Variants in RARS1 observed in about 807,000 individuals in gnomAD.
RARS1 encodes arginyl-tRNA synthetase 1, also known as arginine--tRNA ligase, cytoplasmic.
A neutral mutation model predicts 78.7 loss-of-function variants in RARS1; 75 were observed. The observed-to-expected ratio is 0.95, with a 90% CI of 0.79 to 1.15. The LOEUF is 1.15. Ranked by LOEUF, RARS1 falls within the 50% of genes most tolerant of loss-of-function variation. The pLI, the probability that RARS1 is intolerant of heterozygous loss-of-function variation, is 0.00. For synonymous variants in RARS1, 273 were observed against 268.2 expected (o/e 1.02, Z -0.18); for missense variants, 787 against 787.5 (o/e 1.00, Z 0.01).
At chr5:168,491,038 G>A (rs540543820) in intron 2 of RARS1, among the ~76,000 whole-genome samples, 2 of 152,328 alleles carry the variant, frequency 1.3e-5, no homozygotes, top group African/African-American at 4.8e-5. Context: ...TTGGGAGGCT[G>A]AGGCATGAGA....
intron 9 of RARS1, among the ~76,000 whole-genome samples, chr5:168,505,479 A>AT (rs1561824569): frequency 1.3e-5 from 2 of 152,194 alleles, no homozygotes. Context: ...AGAGATCACT[A>AT]TAAGAATTGC....
chr5:168,501,654 C>T (rs558010866), intron 8 of RARS1, among the ~76,000 whole-genome samples: 5 of 152,104 alleles, frequency 3.3e-5, no homozygotes, highest in South Asian at 4.1e-4. Context: ...ACCCGGGAGG[C>T]GGAGGTTGCA....
chr5:168,498,533 T>C (rs1758248613), intron 7 of RARS1, among the ~76,000 whole-genome samples: 1 of 152,230 alleles, frequency 6.6e-6, no homozygotes, highest in South Asian at 2.1e-4. Context: ...TGCAAACTTT[T>C]GTGTTACTTT....
intron 7 of RARS1, 61 bp from the exon 8 acceptor site, chr5:168,500,529 TC>T: frequency 7.4e-7 from 1 of 1,343,330 alleles, no homozygotes; most frequent in Non-Finnish European, 9.6e-7. Context: ...AAGTTCTTTT[TC>T]TAGAAATACA....
In RARS1 at chr5:168,500,690, T is replaced by G. The variant is rs1322693568; in HGVS notation, c.922T>G (p.Trp308Gly). 1.2e-6 allele frequency: 2 copies of G among 1,610,890 alleles called. No homozygotes were observed. Among genetic ancestry groups the G allele is most frequent in the Non-Finnish European group, 1.7e-6 (2 of 1,179,204 alleles). ...QGKNPDITKA[W>G]KLICDVSRQE... ...TAAAAACCCAGATATTACAAAAGCTTGGAAGCTTATCTGTGATGTCTCCCG... is the reference window on the plus strand; with the variant it reads ...TAAAAACCCAGATATTACAAAAGCTGGGAAGCTTATCTGTGATGTCTCCCG... Residue 308 changes from tryptophan to glycine, a missense_variant, in exon 8 of 15, where the codon TGG (tryptophan) becomes GGG (glycine). By Grantham distance (184) the Trp-to-Gly change is radical (BLOSUM62 -2). Transcript: ENST00000231572.
chr5:168,492,004 G>A (rs1758097786), intron 2 of RARS1, among the ~76,000 whole-genome samples: 1 of 132,804 alleles, frequency 7.5e-6, no homozygotes, highest in African/African-American at 2.9e-5. Flanking sequence ...AGTGCTAGAT[G>A]CCAGGGACAG....
In RARS1 at chr5:168,495,628, T is replaced by G. The variant is rs75249584; in HGVS notation, c.701+192T>G. 0.025 allele frequency among the ~76,000 whole-genome samples: 3,813 copies of G among 152,312 alleles called. 125 individuals are homozygous for G. The highest frequency in any genetic ancestry group is 0.097 in the East Asian group (505 of 5,190). On this transcript the variant is annotated intron_variant, in intron 6 of 14. Coordinates refer to ENST00000231572, the MANE Select transcript of RARS1 (RefSeq NM_002887.4). ...AGCCTTTCCTCTGAACCTTTTTTACTATTTTATTTTTTTAGACTCTTAGTG... is the reference window on the plus strand; with the variant it reads ...AGCCTTTCCTCTGAACCTTTTTTACGATTTTATTTTTTTAGACTCTTAGTG...
rs373457854 is a variant in RARS1, at chr5:168,504,743, TG to T, written c.1058-1277del. On this transcript the variant is annotated intron_variant, in intron 9 of 14. Coordinates refer to ENST00000231572, the MANE Select transcript of RARS1 (RefSeq NM_002887.4). ...GGGAGGCTGAGGCAGGAGAATGGCG[TG>T]AACCCGGGAGGCAGAGCTTGCAGTG... Among the ~76,000 whole-genome samples the T allele has an allele frequency of 3.3e-3, 497 of 151,744 alleles. 3 individuals carry two copies. The highest frequency in any genetic ancestry group is 0.011 in the African/African-American group (448 of 41,364).
At chr5:168,517,254 TGCCTCA>T (rs1247410509) in intron 13 of RARS1, among the ~76,000 whole-genome samples, 1 of 152,290 alleles carries the variant, frequency 6.6e-6, no homozygotes, top group African/African-American at 2.4e-5. Context: ...GTGATTCTCC[TGCCTCA>T]GCCTCCCCAG....
rs1758544657 is a variant in RARS1 at position 168,510,630 on chromosome 5, C to T, written c.1396C>T (p.Leu466=). The T allele has an allele frequency of 6.2e-7, 1 of 1,610,860 alleles. No homozygotes were observed. Among genetic ancestry groups the T allele is most frequent in the African/African-American group, 1.3e-5 (1 of 74,776 alleles). The change falls in exon 12 of 15, where the codon CTG becomes TTG. Residue 466 remains leucine, a synonymous_variant. Transcript: ENST00000231572. ...SGETVRLMDL[L]GEGLKRSMDK... ...TGAAACAGTGCGCCTCATGGATCTT[C>T]TGGGAGAAGGACTAAAACGATCCAT...
At chr5:168,504,935 A>C (rs186195141) in intron 9 of RARS1, among the ~76,000 whole-genome samples, 1 of 152,374 alleles carries the variant, frequency 6.6e-6, no homozygotes, top group Admixed American at 6.5e-5. Context: ...CACAGTGAAC[A>C]TGTTCACACC....
intron 2 of RARS1, 47 bp downstream of exon 2, chr5:168,488,783 A>C: frequency 2.0e-6 from 3 of 1,526,126 alleles, no homozygotes; most frequent in Non-Finnish European, 2.6e-6. Context: ...GAATCATTAT[A>C]GCTTTTTTAA....
chr5:168,487,230 G>GT (rs545515034), intron 1 of RARS1, among the ~76,000 whole-genome samples: 1 of 24,698 alleles, frequency 4.0e-5, no homozygotes, highest in Non-Finnish European at 7.5e-5. Context: ...CGGCTGTGTT[G>GT]GGGGGGGTCC....
At chr5:168,501,934 T>C in intron 8 of RARS1, 67 bp from the exon 9 acceptor site, 1 of 1,543,886 alleles carries the variant, frequency 6.5e-7, no homozygotes. Flanking sequence ...CAATGTAAGA[T>C]GCATGTTTCC....
Position 168,508,370 on chromosome 5 carries a change from C to T in RARS1, c.1346+1539C>T, listed in dbSNP as rs894872675. On this transcript the variant is annotated intron_variant, in intron 11 of 14. Coordinates refer to ENST00000231572, the MANE Select transcript of RARS1 (RefSeq NM_002887.4). ...AGGCACAGTGTCTCACACCTGTAAT[C>T]CCAGCACTTTGGGAGGCCGAGGCAG... Among the ~76,000 whole-genome samples, 73 of 150,432 alleles carry T rather than the reference C, an allele frequency of 4.9e-4. 1 individual carries two copies. The highest frequency in any genetic ancestry group is 1.7e-3 in the African/African-American group (69 of 40,992).
At chr5:168,494,099 T>G in intron 4 of RARS1, 97 bp downstream of exon 4, 1 of 1,322,858 alleles carries the variant, frequency 7.6e-7, no homozygotes, top group Non-Finnish European at 1.0e-6. Flanking sequence ...GGTTAAACTT[T>G]GTATACTGAA....
In RARS1 at chr5:168,492,939, A is replaced by G. The variant is rs1758116051; in HGVS notation, c.369+92A>G. ...CAGAAATAATACTATTACAAGTTGT[A>G]TCCTTAGTGAAAAGGACATTTGCCA... On this transcript the variant is annotated intron_variant, in intron 3 of 14. Transcript: ENST00000231572. The G allele has an allele frequency of 7.7e-6, 9 of 1,173,694 alleles. 1 individual carries two copies. In the South Asian group the frequency reaches 2.0e-4, roughly 26 times the overall value. The allele number at this position is 1,173,694 out of a possible 1,614,324, so 72.7% of individuals were successfully genotyped here.
chr5:168,516,969 T>C lies in RARS1; in HGVS notation c.1625+19T>C. The C allele has an allele frequency of 6.2e-7, 1 of 1,601,894 alleles. No homozygotes were observed. Among genetic ancestry groups the C allele is most frequent in the South Asian group, 1.1e-5 (1 of 90,468 alleles). ...GAATCAGGTAATTGTGGGTAGGCATTGTTTTATTGTGAATCAAATGAAAGC... is the reference window on the plus strand; with the variant it reads ...GAATCAGGTAATTGTGGGTAGGCATCGTTTTATTGTGAATCAAATGAAAGC... On this transcript the variant is annotated intron_variant, in intron 13 of 14. Transcript: ENST00000231572.
intron 2 of RARS1, among the ~76,000 whole-genome samples, chr5:168,490,457 T>C (rs17552018): frequency 0.13 from 19,804 of 152,170 alleles, 1,719 homozygotes; most frequent in Non-Finnish European, 0.19. Flanking sequence ...ACAGCATATT[T>C]TACTACACAT....
Sources: allele counts gnomAD v4.1 joint callset (sites outside exome capture counted in the v4.1 genomes callset), GRCh38; gene constraint gnomAD v4.1.1; transcripts MANE v1.5; gene names NCBI Gene and HGNC (gene_info 2026-07-23, HGNC 2026-07-21).